CASZ1: variants seen among roughly 807,000 people sequenced by gnomAD.
CASZ1 encodes castor zinc finger 1.
Under a neutral mutation model 135.2 loss-of-function variants are expected in CASZ1, and 28 were observed. The observed-to-expected ratio is 0.21, with a 90% CI of 0.15 to 0.28. The LOEUF (loss-of-function observed/expected upper bound fraction) is 0.28, where lower values mean the gene tolerates loss of function less well. Among genes scored for constraint, CASZ1 ranks in the 10% least tolerant of loss-of-function variants. CASZ1 has a pLI of 1.00. For missense variants in CASZ1, 2,161 were observed against 2,453.3 expected, an observed-to-expected ratio of 0.88 and a Z score of 2.52; for synonymous variants, 1,068 against 1,073.4, an observed-to-expected ratio of 0.99 and a Z score of 0.10.
chr1:10,787,266 C>T (rs887709726), intron 1 of CASZ1, among the ~76,000 whole-genome samples: 2 of 152,200 alleles, frequency 1.3e-5, no homozygotes, highest in Non-Finnish European at 2.9e-5. Flanking sequence ...CCCATCAGGC[C>T]ACATCTCGCA....
At chr1:10,689,674 C>CA (rs1484821877) in intron 4 of CASZ1, among the ~76,000 whole-genome samples, 1 of 152,176 alleles carries the variant, frequency 6.6e-6, no homozygotes, top group Non-Finnish European at 1.5e-5. Context: ...AGGGCTGGTT[C>CA]AAAGGGTCAC....
chr1:10,688,393 C>T (rs901187383), intron 4 of CASZ1, among the ~76,000 whole-genome samples: 10 of 152,094 alleles, frequency 6.6e-5, no homozygotes, highest in Admixed American at 5.2e-4. Flanking sequence ...GACAGAAAAA[C>T]GTGGTTGCAA....
At chr1:10,648,327 G>C (rs1180182574) in intron 15 of CASZ1, 188 bp from the exon 16 acceptor site, 3 of 525,718 alleles carry the variant, frequency 5.7e-6, no homozygotes. Context: ...GCGTCCCCTG[G>C]TTCCGAACTT....
chr1:10,750,534 C>T (rs1378151172), intron 2 of CASZ1, among the ~76,000 whole-genome samples: 1 of 152,160 alleles, frequency 6.6e-6, no homozygotes, highest in African/African-American at 2.4e-5. Flanking sequence ...TTCCAAAACG[C>T]TGGGATTACA....
intron 1 of CASZ1, among the ~76,000 whole-genome samples, chr1:10,761,738 C>G (rs1042427067): frequency 2.0e-5 from 3 of 152,186 alleles, no homozygotes; most frequent in Non-Finnish European, 4.4e-5. Flanking sequence ...AAAAAAGGAG[C>G]TCATGCGCGT....
At chr1:10,644,184 T>C (rs1376575598) in intron 18 of CASZ1, among the ~76,000 whole-genome samples, 1 of 152,118 alleles carries the variant, frequency 6.6e-6, no homozygotes, top group African/African-American at 2.4e-5. Flanking sequence ...CTGGGCGGCC[T>C]GGCTCCCGCC....
rs72858521 is a variant in CASZ1, at chr1:10,646,604, C to T, written c.3498-278G>A. Among the ~76,000 whole-genome samples the T allele has an allele frequency of 0.042, 6,330 of 152,332 alleles. 183 individuals are homozygous for T. The highest frequency in any genetic ancestry group is 0.12 in the South Asian group (573 of 4,824). On this transcript the variant is annotated intron_variant, in intron 16 of 20. Coordinates refer to ENST00000377022, the MANE Select transcript of CASZ1 (RefSeq NM_001079843.3). The surrounding 1 kb of genome is among the most constrained non-coding windows in gnomAD (Gnocchi z 6.4). Reference sequence around the variant, plus strand: ...ATGCTGGGACAAGTAGTTTCCATGGCCACACCTCAGGATTATAGATAAGGA... The same window carrying T: ...ATGCTGGGACAAGTAGTTTCCATGGTCACACCTCAGGATTATAGATAAGGA...
Position 10,762,864 on chromosome 1 carries a change from G to C in CASZ1, c.-233-2007C>G, listed in dbSNP as rs1640404284. On this transcript the variant is annotated intron_variant, in intron 1 of 20. Transcript: ENST00000377022. This position sits in a 1 kb window ranked among gnomAD's most constrained non-coding sequence, Gnocchi z 4.1. ...GTTTCATGTCCTTGGCTCAGAGGAG[G>C]TTCCAGCTATGGAAGGAAAGGGGGC... Among the ~76,000 whole-genome samples the C allele has an allele frequency of 6.6e-6, 1 of 152,244 alleles. No individual in the cohort carries two copies. Among genetic ancestry groups the C allele is most frequent in the Non-Finnish European group, 1.5e-5 (1 of 68,040 alleles).
chr1:10,640,024 T>C lies in CASZ1; in HGVS notation c.4198A>G (p.Lys1400Glu), dbSNP rs746784633. The change falls in exon 21 of 21, where the codon AAA becomes GAA. Residue 1400 changes from lysine (K) to glutamate (E), a missense_variant. This residue lies in a region of CASZ1 where 143 missense variants were observed against 128.3 expected (regional missense o/e 1.11). Transcript: ENST00000377022. ...TCCTCGATGATCCAGAAGCGCTTTT[T>C]GGCCCCCGAGGCTGTCGGCATAGAG... ...TISMPTASGA[K>E]KRFWIIEDMS... is the part of the protein sequence containing the mutation. 1.2e-6 allele frequency: 2 copies of C among 1,610,856 alleles called. No homozygotes were observed. Among genetic ancestry groups the C allele is most frequent in the South Asian group, 2.2e-5 (2 of 91,088 alleles).
chr1:10,794,474 GT>G lies in CASZ1; in HGVS notation c.-234+2089del, dbSNP rs70997268. On this transcript the variant is annotated intron_variant, in intron 1 of 20. Transcript: ENST00000377022. The surrounding 1 kb of genome is among the most constrained non-coding windows in gnomAD (Gnocchi z 5.6). ...TCCGCCCCGTGGCCCAGTGATCCAGGTTTGGGGGAGCTCCATACTCAGGAGA... is the reference window on the plus strand; with the variant it reads ...TCCGCCCCGTGGCCCAGTGATCCAGGTTGGGGGAGCTCCATACTCAGGAGA... Among the ~76,000 whole-genome samples, 25,071 of 151,844 alleles carry G rather than the reference GT, an allele frequency of 0.17. 3,140 individuals are homozygous for G. Among genetic ancestry groups the G allele is most frequent in the East Asian group, 0.56 (2,813 of 5,046 alleles).
At chr1:10,682,342 AG>A (rs1371229616) in intron 4 of CASZ1, among the ~76,000 whole-genome samples, 1 of 152,034 alleles carries the variant, frequency 6.6e-6, no homozygotes. Flanking sequence ...GGAGAGGCAG[AG>A]GGCAGGGTTG....
chr1:10,731,638 T>C (rs1454471648), intron 2 of CASZ1, among the ~76,000 whole-genome samples: 2 of 152,126 alleles, frequency 1.3e-5, no homozygotes, highest in Admixed American at 1.3e-4. Flanking sequence ...TATAGATCAG[T>C]GGGGTTTACT....
rs1051177795 is a variant in CASZ1, at chr1:10,759,412, A to G, written c.-77+1289T>C. 1.3e-5 allele frequency among the ~76,000 whole-genome samples: 2 copies of G among 152,184 alleles called. No individual in the cohort carries two copies. Among genetic ancestry groups the G allele is most frequent in the Admixed American group, 6.5e-5 (1 of 15,290 alleles). ...CCGGTGCTATCCAGGGGACAACGGCAGCACATCCTAAGTACGACAGACCAA... is the reference window on the plus strand; with the variant it reads ...CCGGTGCTATCCAGGGGACAACGGCGGCACATCCTAAGTACGACAGACCAA... On this transcript the variant is annotated intron_variant, in intron 2 of 20. Transcript: ENST00000377022. The surrounding 1 kb of genome is among the most constrained non-coding windows in gnomAD (Gnocchi z 4.2).
At position 10,638,915 on chromosome 1, in the gene CASZ1, C is replaced by G. The variant is rs1297105338; in HGVS notation, c.*27G>C. The G allele has an allele frequency of 3.1e-6, 3 of 981,158 alleles. No homozygotes were observed. Among genetic ancestry groups the G allele is most frequent in the East Asian group, 1.1e-4 (1 of 8,698 alleles). The allele number at this position is 981,158 out of a possible 1,614,324, so 60.8% of individuals were successfully genotyped here. A position where few individuals can be genotyped will look rare whatever the true frequency, so the allele number is the denominator to read the frequency against. ...CCGCTCCCGAGGCCGAGGCCGAGGC[C>G]GCCGCCAGGGCCACCCGCGGGCGCC... On this transcript the variant is annotated 3_prime_UTR_variant, in exon 21 of 21. Transcript: ENST00000377022. This position sits in a 1 kb window ranked among gnomAD's most constrained non-coding sequence, Gnocchi z 5.9.
intron 2 of CASZ1, among the ~76,000 whole-genome samples, chr1:10,715,911 CCCCACAGCACCCAATCCGCTT>C (rs1490876562): frequency 2.9e-5 from 4 of 137,664 alleles, no homozygotes; most frequent in East Asian, 2.2e-4. Context: ...CCAATCCTCT[CCCCACAGCACCCAATCCGCTT>C]CCCACAGCAC....
intron 1 of CASZ1, among the ~76,000 whole-genome samples, chr1:10,761,616 G>T (rs1307717947): frequency 6.6e-6 from 1 of 151,956 alleles, no homozygotes; most frequent in Admixed American, 6.6e-5. Flanking sequence ...AACAAATATT[G>T]TGGTGTTTCC....
At chr1:10,685,938 T>C (rs1638571882) in intron 4 of CASZ1, among the ~76,000 whole-genome samples, 1 of 152,202 alleles carries the variant, frequency 6.6e-6, no homozygotes, top group South Asian at 2.1e-4. Flanking sequence ...AGCTTCCATT[T>C]ACCAGAGGAA....
intron 18 of CASZ1, 105 bp downstream of exon 18, chr1:10,644,812 C>A (rs374300397): frequency 2.6e-6 from 3 of 1,175,774 alleles, no homozygotes; most frequent in Non-Finnish European, 3.6e-6. Context: ...GTGGAGCCTG[C>A]GGTGGGGAAC....
At chr1:10,784,785 C>T (rs879655244) in intron 1 of CASZ1, among the ~76,000 whole-genome samples, 1 of 152,080 alleles carries the variant, frequency 6.6e-6, no homozygotes, top group Non-Finnish European at 1.5e-5. Context: ...AGGTTGGTCT[C>T]GAACTCCTGA....
Sources: gnomAD v4.1 joint callset for allele counts (sites outside exome capture counted in the v4.1 genomes callset) on GRCh38, gnomAD v4.1.1 for gene constraint, gnomAD v4.1.1 regional missense constraint, Gnocchi (gnomAD v3.1) non-coding constraint, MANE v1.5 for transcripts, NCBI Gene and HGNC (gene_info 2026-07-23, HGNC 2026-07-21) for gene names.